Variants in LRRTM4 observed in about 807,000 individuals in gnomAD.
LRRTM4 encodes leucine-rich repeat transmembrane neuronal protein 4.
LRRTM4 carries 25 observed loss-of-function variants against 47.6 expected under a neutral mutation model. The ratio of observed to expected loss-of-function variants is 0.53; its 90% CI spans 0.38 to 0.73. LRRTM4 has a LOEUF of 0.73. Ranked by LOEUF, LRRTM4 falls within the 30% of genes least tolerant of loss-of-function variation. LRRTM4 has a pLI of 0.00. For missense variants in LRRTM4, 638 were observed against 713.4 expected (o/e 0.89, Z 1.20); for synonymous variants, 311 against 269.5 (o/e 1.15, Z -1.51).
chr2:77,451,789 G>A (rs1390506037), intron 3 of LRRTM4, among the ~76,000 whole-genome samples: 1 of 152,116 alleles, frequency 6.6e-6, no homozygotes, highest in East Asian at 1.9e-4. Context: ...AAGGTGAGAA[G>A]GAGGAGGCCA....
chr2:77,503,499 A>G (rs1678650955), intron 3 of LRRTM4, among the ~76,000 whole-genome samples: 1 of 151,738 alleles, frequency 6.6e-6, no homozygotes, highest in South Asian at 2.1e-4. Flanking sequence ...GTCAAATAAG[A>G]AGCTGGCATA....
At chr2:77,385,576 A>C (rs1350350570) in intron 3 of LRRTM4, among the ~76,000 whole-genome samples, 1 of 152,112 alleles carries the variant, frequency 6.6e-6, no homozygotes, top group East Asian at 1.9e-4. Context: ...AAGAAGTATA[A>C]TTTCTGATAT....
intron 3 of LRRTM4, among the ~76,000 whole-genome samples, chr2:77,158,927 G>T (rs1204688258): frequency 6.6e-6 from 1 of 151,438 alleles, no homozygotes; most frequent in Non-Finnish European, 1.5e-5. Flanking sequence ...GCAAAATATA[G>T]GTATCTCAGA....
At chr2:77,192,248 C>G (rs376943952) in intron 3 of LRRTM4, among the ~76,000 whole-genome samples, 76 of 152,112 alleles carry the variant, frequency 5.0e-4, no homozygotes, top group African/African-American at 1.8e-3. Context: ...AAATAAAGAG[C>G]TACATTGTTT....
At chr2:77,022,228 A>T (rs116774136) in intron 3 of LRRTM4, among the ~76,000 whole-genome samples, 1,881 of 152,204 alleles carry the variant, frequency 0.012, 42 homozygotes, top group African/African-American at 0.043. Context: ...CTACCATGGG[A>T]ACAGTATGAG....
chr2:77,164,413 T>C (rs891854266), intron 3 of LRRTM4, among the ~76,000 whole-genome samples: 2 of 152,030 alleles, frequency 1.3e-5, no homozygotes, highest in Admixed American at 6.6e-5. Flanking sequence ...GACAGAAAGT[T>C]AACAAGGATA....
At chr2:77,142,165 C>T (rs141387560) in intron 3 of LRRTM4, among the ~76,000 whole-genome samples, 46 of 152,238 alleles carry the variant, frequency 3.0e-4, no homozygotes, top group Non-Finnish European at 4.6e-4. Context: ...TAAAAGTCTT[C>T]CTCGGTGATC....
chr2:77,409,847 G>A (rs1486623948), intron 3 of LRRTM4, among the ~76,000 whole-genome samples: 1 of 152,150 alleles, frequency 6.6e-6, no homozygotes, highest in Admixed American at 6.5e-5. Context: ...ACCTTCTCGT[G>A]AAGCTCTTCT....
intron 3 of LRRTM4, among the ~76,000 whole-genome samples, chr2:77,333,510 G>A (rs1365248313): frequency 6.6e-6 from 1 of 152,154 alleles, no homozygotes. Flanking sequence ...GAGACTGGTG[G>A]CATTTTGACC....
At chr2:76,998,220 A>T (rs539628594) in intron 3 of LRRTM4, among the ~76,000 whole-genome samples, 1 of 152,192 alleles carries the variant, frequency 6.6e-6, no homozygotes, top group South Asian at 2.1e-4. Flanking sequence ...CTGCTGATCT[A>T]TGGAGTATCT....
intron 3 of LRRTM4, among the ~76,000 whole-genome samples, chr2:77,096,120 CATATT>C (rs1670805352): frequency 6.6e-6 from 1 of 151,936 alleles, no homozygotes; most frequent in African/African-American, 2.4e-5. Flanking sequence ...ATCAAATCAT[CATATT>C]ATACCCCATA....
intron 3 of LRRTM4, among the ~76,000 whole-genome samples, chr2:77,142,822 G>A (rs747902330): frequency 1.3e-5 from 2 of 151,992 alleles, no homozygotes; most frequent in African/African-American, 2.4e-5. Flanking sequence ...TGTAATGCAC[G>A]GGTTTGCTTT....
intron 3 of LRRTM4, chr2:77,517,957 A>G: frequency 4.9e-6 from 5 of 1,014,708 alleles, no homozygotes; most frequent in Non-Finnish European, 5.9e-6. Context: ...TTACTCCATT[A>G]CAACAGTCAA....
At chr2:77,215,122 A>C (rs1354294865) in intron 3 of LRRTM4, among the ~76,000 whole-genome samples, 1 of 152,136 alleles carries the variant, frequency 6.6e-6, no homozygotes, top group African/African-American at 2.4e-5. Context: ...TACAATCTAT[A>C]TTTTAAGAAT....
Position 77,124,134 on chromosome 2 carries a change from A to C in LRRTM4, c.1552-375218T>G, listed in dbSNP as rs1180853402. Among the ~76,000 whole-genome samples, 4 of 152,118 alleles carry C rather than the reference A, an allele frequency of 2.6e-5. No homozygotes were observed. The East Asian group carries it at 7.7e-4, about 29-fold the overall frequency. On this transcript the variant is annotated intron_variant, in intron 3 of 3. Coordinates refer to ENST00000409884, the MANE Select transcript of LRRTM4 (RefSeq NM_001134745.3). Reference sequence around the variant, plus strand: ...AAAATAAAGCCATAGAGATTAGAAAAGGAAAAAAATTTAATCATAGGAGGA... The same window carrying C: ...AAAATAAAGCCATAGAGATTAGAAACGGAAAAAAATTTAATCATAGGAGGA...
intron 3 of LRRTM4, among the ~76,000 whole-genome samples, chr2:77,108,721 C>T (rs1043766412): frequency 1.3e-5 from 2 of 151,694 alleles, no homozygotes; most frequent in African/African-American, 4.8e-5. Context: ...GTAGCTGGGA[C>T]TACAGGCGCC....
At chr2:77,021,542 G>C (rs550719875) in intron 3 of LRRTM4, among the ~76,000 whole-genome samples, 75 of 152,276 alleles carry the variant, frequency 4.9e-4, no homozygotes, top group African/African-American at 1.5e-3. Context: ...ATCTAGGCTT[G>C]TCAGTTGGCA....
intron 3 of LRRTM4, among the ~76,000 whole-genome samples, chr2:77,050,575 A>G (rs934811495): frequency 2.6e-5 from 4 of 152,176 alleles, no homozygotes; most frequent in Non-Finnish European, 4.4e-5. Context: ...TGAACCTGTA[A>G]CAGTCGGTGC....
chr2:76,845,482 G>A (rs1671812411), intron 3 of LRRTM4, among the ~76,000 whole-genome samples: 1 of 152,074 alleles, frequency 6.6e-6, no homozygotes, highest in Non-Finnish European at 1.5e-5. Flanking sequence ...AGTAACGTGA[G>A]TGGTGGCTCC....
Sources: gnomAD v4.1 joint callset for allele counts (sites outside exome capture counted in the v4.1 genomes callset) on GRCh38, gnomAD v4.1.1 for gene constraint, MANE v1.5 for transcripts, NCBI Gene and HGNC (gene_info 2026-07-23, HGNC 2026-07-21) for gene names.